Variants in EML4 observed in about 807,000 individuals in gnomAD.
EML4 encodes the protein EMAP like 4, also known as echinoderm microtubule-associated protein-like 4.
A neutral mutation model predicts 129.0 loss-of-function variants in EML4; 72 were observed. That is an observed-to-expected ratio of 0.56 (90% CI 0.46 to 0.68). The LOEUF is 0.68. Ranked by LOEUF, EML4 falls within the 30% of genes least tolerant of loss-of-function variation. The pLI, the probability that EML4 is intolerant of heterozygous loss-of-function variation, is 0.00. For missense variants in EML4, 1,363 were observed against 1,190.6 expected (o/e 1.14, Z -2.13); for synonymous variants, 532 against 405.0 (o/e 1.31, Z -3.77).
intron 19 of EML4, among the ~76,000 whole-genome samples, chr2:42,321,314 C>T (rs1408473250): frequency 2.0e-5 from 3 of 152,026 alleles, no homozygotes; most frequent in Non-Finnish European, 1.5e-5. Flanking sequence ...ACCCGGGAGG[C>T]GGAGCTTGCA....
intron 1 of EML4, among the ~76,000 whole-genome samples, chr2:42,226,573 C>T (rs1455324287): frequency 1.3e-5 from 2 of 152,034 alleles, no homozygotes; most frequent in African/African-American, 2.4e-5. Flanking sequence ...AGGAGAATCA[C>T]TTGAACCTGG....
At chr2:42,294,507 C>T (rs1365164818) in intron 11 of EML4, among the ~76,000 whole-genome samples, 1 of 152,168 alleles carries the variant, frequency 6.6e-6, no homozygotes, top group African/African-American at 2.4e-5. Context: ...CCCAGCCTAG[C>T]CAACATGGTG....
rs375707062 is a variant in EML4, at chr2:42,306,484, C to CTTTTTTTTTTTTTTTTTTTTTTTTTTT, written c.1967+1959_1967+1960insTTTTTTTTTTTTTTTTTTTTTTTTTTT. 2.9e-4 allele frequency among the ~76,000 whole-genome samples: 22 copies of CTTTTTTTTTTTTTTTTTTTTTTTTTTT among 74,602 alleles called. 4 individuals carry two copies. The highest frequency in any genetic ancestry group is 4.5e-4 in the Non-Finnish European group (17 of 37,830). 48.9% of individuals were successfully genotyped at this position (74,602 alleles called of 152,430 possible). ...GTGTCTGATGACCTTGTGCTAAATC[C>CTTTTTTTTTTTTTTTTTTTTTTTTTTT]TTTTTTTTTTTTTTTTTTTTTTTTT... On this transcript the variant is annotated intron_variant, in intron 17 of 22. Coordinates refer to ENST00000318522, the MANE Select transcript of EML4 (RefSeq NM_019063.5).
intron 6 of EML4, among the ~76,000 whole-genome samples, chr2:42,275,355 T>C (rs891203707): frequency 2.0e-5 from 3 of 152,210 alleles, no homozygotes; most frequent in African/African-American, 7.2e-5. Flanking sequence ...TGTCTTGTCA[T>C]TTTAGACAGA....
chr2:42,233,115 C>T (rs888053232), intron 1 of EML4, among the ~76,000 whole-genome samples: 3 of 152,142 alleles, frequency 2.0e-5, no homozygotes, highest in Non-Finnish European at 4.4e-5. Flanking sequence ...TTAGATCAAT[C>T]TCTTCATGTT....
At chr2:42,215,841 T>G (rs546677625) in intron 1 of EML4, among the ~76,000 whole-genome samples, 1 of 152,342 alleles carries the variant, frequency 6.6e-6, no homozygotes, top group East Asian at 1.9e-4. Context: ...CCAGCCAAAC[T>G]TTGGTTTAGT....
At chr2:42,235,321 A>C (rs1399302937) in intron 1 of EML4, among the ~76,000 whole-genome samples, 6 of 151,346 alleles carry the variant, frequency 4.0e-5, no homozygotes, top group African/African-American at 7.3e-5. Context: ...GTAGCAGAGC[A>C]TGGTGGCGTG....
At chr2:42,192,186 G>A (rs1359413300) in intron 1 of EML4, among the ~76,000 whole-genome samples, 1 of 148,558 alleles carries the variant, frequency 6.7e-6, no homozygotes. Context: ...TTATACCTCA[G>A]TGAAAGTTAC....
At position 42,280,860 on chromosome 2, in the gene EML4, T is replaced by C; in HGVS notation, c.678T>C (p.Tyr226=). The change falls in exon 7 of 23, where the codon TAT becomes TAC. Residue 226 remains tyrosine, a synonymous_variant. Coordinates refer to ENST00000318522, the MANE Select transcript of EML4 (RefSeq NM_019063.5). ...KDVIINQEGE[Y]IKMFMRGRPI... is the part of the protein sequence containing the mutation. ...CTTGTGTTTCAACAGAAGGAGAATA[T>C]ATTAAAATGTTTATGCGCGGTCGGC... 6.2e-7 allele frequency: 1 copy of C among 1,607,508 alleles called. No homozygotes were observed.
chr2:42,278,809 G>C lies in EML4; in HGVS notation c.668-2041G>C, dbSNP rs1455208566. On this transcript the variant is annotated intron_variant, in intron 6 of 22. Transcript: ENST00000318522. ...AAATTAGCAAGGCATGGTGGCACAT[G>C]CCTATAATCCCAGCTACTCGGGAGG... 2.6e-5 allele frequency among the ~76,000 whole-genome samples: 4 copies of C among 151,974 alleles called. No individual in the cohort carries two copies. In the East Asian group the frequency reaches 7.8e-4, roughly 30 times the overall value.
chr2:42,214,077 A>G (rs1038190663), intron 1 of EML4, among the ~76,000 whole-genome samples: 10 of 152,214 alleles, frequency 6.6e-5, no homozygotes, highest in African/African-American at 1.9e-4. Flanking sequence ...TAACATGTCA[A>G]TGAAAACAAA....
At chr2:42,261,912 A>G (rs1159742947) in intron 4 of EML4, among the ~76,000 whole-genome samples, 2 of 152,204 alleles carry the variant, frequency 1.3e-5, no homozygotes, top group African/African-American at 4.8e-5. Context: ...GAAATATTCT[A>G]ACAATGTGTG....
chr2:42,312,343 G>A (rs940527715), intron 17 of EML4, among the ~76,000 whole-genome samples: 6 of 152,014 alleles, frequency 3.9e-5, no homozygotes, highest in Non-Finnish European at 7.4e-5. Context: ...AGGAAGGGAA[G>A]GTCATGCCTC....
chr2:42,300,955 C>G (rs1487832553), intron 13 of EML4, among the ~76,000 whole-genome samples: 3 of 152,016 alleles, frequency 2.0e-5, no homozygotes, highest in African/African-American at 7.3e-5. Flanking sequence ...TACTATATCC[C>G]CTTTCGTCTG....
chr2:42,281,079 A>C, intron 7 of EML4, 106 bp downstream of exon 7: 1 of 919,432 alleles, frequency 1.1e-6, no homozygotes, highest in African/African-American at 1.7e-5. Flanking sequence ...AAAAAAAGTA[A>C]CAGCTACTTA....
At chr2:42,257,218 T>C (rs1676210957) in intron 3 of EML4, among the ~76,000 whole-genome samples, 1 of 152,130 alleles carries the variant, frequency 6.6e-6, no homozygotes, top group African/African-American at 2.4e-5. Flanking sequence ...TTATGTTCTT[T>C]TCATCAGTTA....
intron 1 of EML4, among the ~76,000 whole-genome samples, chr2:42,241,977 TCA>T (rs1675068679): frequency 1.3e-5 from 2 of 152,320 alleles, no homozygotes; most frequent in South Asian, 4.1e-4. Context: ...TTCTTGTGTC[TCA>T]CAGTGTCTAT....
intron 1 of EML4, among the ~76,000 whole-genome samples, chr2:42,207,306 T>A (rs554704823): frequency 9.9e-5 from 15 of 152,276 alleles, no homozygotes; most frequent in African/African-American, 3.1e-4. Context: ...TATATATTAA[T>A]ATAATACTAG....
chr2:42,264,086 C>T (rs1665903802), intron 5 of EML4, among the ~76,000 whole-genome samples: 1 of 148,662 alleles, frequency 6.7e-6, no homozygotes, highest in South Asian at 2.1e-4. Context: ...TTAAGGCTCC[C>T]AACTCAAACA....
Sources: gnomAD v4.1 joint callset for allele counts (sites outside exome capture counted in the v4.1 genomes callset) on GRCh38, gnomAD v4.1.1 for gene constraint, MANE v1.5 for transcripts, NCBI Gene and HGNC (gene_info 2026-07-23, HGNC 2026-07-21) for gene names.